ITPR2: variants seen among roughly 807,000 people sequenced by gnomAD.
ITPR2 encodes inositol 1,4,5-trisphosphate-gated calcium channel ITPR2.
A neutral mutation model predicts 317.1 loss-of-function variants in ITPR2; 207 were observed. That is an observed-to-expected ratio of 0.65 (90% CI 0.58 to 0.73). The LOEUF is 0.73. Among genes scored for constraint, ITPR2 ranks in the 30% least tolerant of loss-of-function variants. The pLI is 0.00. For missense variants in ITPR2, 2,613 were observed against 3,284.0 expected, an observed-to-expected ratio of 0.80 and a Z score of 4.99; for synonymous variants, 1,156 against 1,149.1, an observed-to-expected ratio of 1.01 and a Z score of -0.12.
At chr12:26,373,101 C>A (rs1251759270) in intron 55 of ITPR2, among the ~76,000 whole-genome samples, 1 of 152,144 alleles carries the variant, frequency 6.6e-6, no homozygotes, top group Non-Finnish European at 1.5e-5. Flanking sequence ...TATGATCCCC[C>A]CAAGGAATAC....
chr12:26,811,610 C>T (rs1950749666), intron 1 of ITPR2, among the ~76,000 whole-genome samples: 1 of 151,566 alleles, frequency 6.6e-6, no homozygotes, highest in Non-Finnish European at 1.5e-5. Context: ...TGGCATGAAC[C>T]CGGGGGGCAG....
chr12:26,709,577 T>A (rs1057393932), intron 9 of ITPR2, among the ~76,000 whole-genome samples: 3 of 152,228 alleles, frequency 2.0e-5, no homozygotes, highest in South Asian at 2.1e-4. Flanking sequence ...CATCAAATGG[T>A]ACATGTTTTA....
At position 26,775,933 on chromosome 12, in the gene ITPR2, C is replaced by CATATATATATATATATATATATATAT; in HGVS notation, c.163+14223_163+14224insATATATATATATATATATATATATAT. On this transcript the variant is annotated intron_variant, in intron 2 of 56. Transcript: ENST00000381340. Reference sequence around the variant, plus strand: ...ATACCACTTAATAAACTCCCCTTTACATATATATATATATGTATATGTATA... The same window carrying CATATATATATATATATATATATATAT: ...ATACCACTTAATAAACTCCCCTTTACATATATATATATATATATATATATATATATATATATATATGTATATGTATA... 8.9e-4 allele frequency among the ~76,000 whole-genome samples: 76 copies of CATATATATATATATATATATATATAT among 85,428 alleles called. 4 individuals carry two copies. The highest frequency in any genetic ancestry group is 2.2e-3 in the African/African-American group (70 of 32,138). 56.0% of individuals were successfully genotyped at this position (85,428 alleles called of 152,430 possible).
chr12:26,530,791 T>C (rs1943925088), intron 37 of ITPR2, among the ~76,000 whole-genome samples: 1 of 152,188 alleles, frequency 6.6e-6, no homozygotes, highest in Non-Finnish European at 1.5e-5. Flanking sequence ...AAAAAAGAAA[T>C]AATTCTTTCC....
At chr12:26,446,202 T>C (rs1376053415) in intron 45 of ITPR2, among the ~76,000 whole-genome samples, 2 of 152,104 alleles carry the variant, frequency 1.3e-5, no homozygotes, top group East Asian at 1.9e-4. Flanking sequence ...TTGGGAAATA[T>C]AGTAGTACTG....
intron 44 of ITPR2, 100 bp from the exon 45 acceptor site, chr12:26,475,518 AAGT>A: frequency 3.2e-6 from 4 of 1,256,522 alleles, no homozygotes; most frequent in Non-Finnish European, 4.4e-6. Context: ...TAAGCCTCAA[AAGT>A]ATAAAAGGAC....
At chr12:26,369,118 G>A (rs932794075) in intron 55 of ITPR2, among the ~76,000 whole-genome samples, 1 of 152,162 alleles carries the variant, frequency 6.6e-6, no homozygotes, top group African/African-American at 2.4e-5. Context: ...TATGGAAACA[G>A]CAAAGTCCAT....
At chr12:26,735,746 T>C (rs1370929623) in intron 2 of ITPR2, among the ~76,000 whole-genome samples, 2 of 152,242 alleles carry the variant, frequency 1.3e-5, no homozygotes, top group Non-Finnish European at 2.9e-5. Flanking sequence ...TATATAAACA[T>C]ATCCTGTGGT....
In ITPR2 at chr12:26,477,025, G is replaced by A. The variant is rs369017317; in HGVS notation, c.6124-18C>T. On this transcript the variant is annotated intron_variant, in intron 43 of 56. Coordinates refer to ENST00000381340, the MANE Select transcript of ITPR2 (RefSeq NM_002223.4). ...GCATTGTTCTAGAGACACAGATTGAGTTAATGTGCATGCAAAGTCTATTTC... is the reference window on the plus strand; with the variant it reads ...GCATTGTTCTAGAGACACAGATTGAATTAATGTGCATGCAAAGTCTATTTC... 2.4e-4 allele frequency: 361 copies of A among 1,503,674 alleles called. No individual in the cohort carries two copies. The highest frequency in any genetic ancestry group is 3.1e-4 in the Non-Finnish European group (339 of 1,083,724). The allele number at this position is 1,503,674 out of a possible 1,614,324, so 93.1% of individuals were successfully genotyped here.
intron 46 of ITPR2, among the ~76,000 whole-genome samples, chr12:26,441,958 G>T (rs1592027385): frequency 2.0e-5 from 3 of 151,980 alleles, no homozygotes; most frequent in African/African-American, 7.2e-5. Context: ...CTATATGTAT[G>T]TATGTATCTG....
chr12:26,542,350 T>A (rs1297207317), intron 37 of ITPR2, among the ~76,000 whole-genome samples: 1 of 152,226 alleles, frequency 6.6e-6, no homozygotes, highest in Non-Finnish European at 1.5e-5. Context: ...ATAAGTCCTA[T>A]AACCTGTTTG....
In ITPR2 at chr12:26,340,248, AATTTCATTTTGCTCACT is replaced by A; in HGVS notation, c.7921_7937del (p.Gln2643ProfsTer33). ...ATTCCAACTTCTCCTGAAGGCTCCG[AATTTCATTTTGCTCACT>A]GTCGCCTTCATTGCTAACGAGGGAC... On this transcript the variant is annotated frameshift_variant, in exon 56 of 57. Coordinates refer to ENST00000381340, the MANE Select transcript of ITPR2 (RefSeq NM_002223.4). LOFTEE classifies it high-confidence loss of function. The A allele has an allele frequency of 6.2e-7, 1 of 1,612,054 alleles. No homozygotes were observed. The highest frequency in any genetic ancestry group is 8.5e-7 in the Non-Finnish European group (1 of 1,179,154).
At chr12:26,440,988 T>C (rs917020998) in intron 46 of ITPR2, among the ~76,000 whole-genome samples, 2 of 152,068 alleles carry the variant, frequency 1.3e-5, no homozygotes, top group East Asian at 1.9e-4. Flanking sequence ...AGTCTTTAGG[T>C]GAGGCATGTT....
rs76566613 is a variant in ITPR2, at chr12:26,459,750, T to G, written c.6342+15546A>C. Among the ~76,000 whole-genome samples the G allele has an allele frequency of 5.3e-3, 811 of 152,332 alleles. 4 individuals carry two copies. The highest frequency in any genetic ancestry group is 0.019 in the African/African-American group (787 of 41,570). On this transcript the variant is annotated intron_variant, in intron 45 of 56. Coordinates refer to ENST00000381340, the MANE Select transcript of ITPR2 (RefSeq NM_002223.4). The stretch of plus-strand genomic sequence containing the variant: ...ATTGATTTTCCCAGGAAATCTCATC[T>G]ACATCTGCAATTTCAAACAGCATCT...
intron 21 of ITPR2, among the ~76,000 whole-genome samples, chr12:26,641,337 T>C (rs1946981866): frequency 6.6e-6 from 1 of 152,082 alleles, no homozygotes; most frequent in Non-Finnish European, 1.5e-5. Flanking sequence ...TGAACTTTCT[T>C]GGGAAACTTG....
chr12:26,832,944 C>G lies in ITPR2; in HGVS notation c.-163G>C. 5 of 583,964 alleles carry G rather than the reference C, an allele frequency of 8.6e-6. No homozygotes were observed. The highest frequency in any genetic ancestry group is 6.1e-5 in the South Asian group (3 of 49,296). The allele number at this position is 583,964 out of a possible 1,614,324, so 36.2% of individuals were successfully genotyped here. A position where few individuals can be genotyped will look rare whatever the true frequency, so the allele number is the denominator to read the frequency against. The stretch of plus-strand genomic sequence containing the variant: ...GAGCCACTGAGCGTCGCGGCTCAGC[C>G]GTGCGTGCGCGCCGGGGAAGCCAGA... On this transcript the variant is annotated 5_prime_UTR_variant, in exon 1 of 57. Coordinates refer to ENST00000381340, the MANE Select transcript of ITPR2 (RefSeq NM_002223.4).
intron 37 of ITPR2, 81 bp downstream of exon 37, chr12:26,550,166 A>G: frequency 1.7e-6 from 1 of 602,144 alleles, no homozygotes; most frequent in Non-Finnish European, 2.8e-6. Flanking sequence ...TAATCACGTA[A>G]TAGCCTATTG....
At chr12:26,611,624 T>A (rs559513324) in intron 26 of ITPR2, among the ~76,000 whole-genome samples, 1 of 152,038 alleles carries the variant, frequency 6.6e-6, no homozygotes, top group African/African-American at 2.4e-5. Context: ...GATATAGAGA[T>A]AAATATAGGT....
chr12:26,584,365 C>G (rs2137082838), intron 32 of ITPR2, among the ~76,000 whole-genome samples: 1 of 152,328 alleles, frequency 6.6e-6, no homozygotes, highest in South Asian at 2.1e-4. Context: ...AGGAACAACT[C>G]TGTCTTGTTC....
Sources: allele counts gnomAD v4.1 joint callset (sites outside exome capture counted in the v4.1 genomes callset), GRCh38; gene constraint gnomAD v4.1.1; transcripts MANE v1.5; gene names NCBI Gene and HGNC (gene_info 2026-07-23, HGNC 2026-07-21).